Variants in MECOM observed in about 807,000 individuals in gnomAD.
MECOM encodes the protein MDS1 and EVI1 complex locus.
In MECOM, 13 loss-of-function variants were observed where a neutral mutation model predicts 116.3. That is an observed-to-expected ratio of 0.11 (90% CI 0.07 to 0.18). MECOM has a LOEUF of 0.18. MECOM is among the 10% of genes least tolerant of loss of function. The pLI is 1.00. For missense variants in MECOM, 1,299 were observed against 1,509.0 expected, an observed-to-expected ratio of 0.86 and a Z score of 2.31; for synonymous variants, 528 against 535.2, an observed-to-expected ratio of 0.99 and a Z score of 0.19.
intron 2 of MECOM, among the ~76,000 whole-genome samples, chr3:169,380,974 C>T (rs1166575178): frequency 6.6e-6 from 1 of 152,108 alleles, no homozygotes; most frequent in Non-Finnish European, 1.5e-5. Context: ...ATTCTTTAAC[C>T]ATATATTAGG....
intron 2 of MECOM, among the ~76,000 whole-genome samples, chr3:169,358,163 G>T (rs1727590199): frequency 6.6e-6 from 1 of 151,586 alleles, no homozygotes; most frequent in Admixed American, 6.6e-5. Context: ...TCTTCTTTTG[G>T]CATATTGTCG....
At chr3:169,171,309 ACCAGTAACTCAAGGTAGGCTG>A (rs1162772271) in intron 2 of MECOM, among the ~76,000 whole-genome samples, 1 of 152,166 alleles carries the variant, frequency 6.6e-6, no homozygotes, top group East Asian at 1.9e-4. Flanking sequence ...ATTAATAAGA[ACCAGTAACTCAAGGTAGGCTG>A]CCAGATTTTC....
chr3:169,160,496 T>A (rs913745140), intron 2 of MECOM, among the ~76,000 whole-genome samples: 18 of 149,352 alleles, frequency 1.2e-4, no homozygotes, highest in African/African-American at 4.1e-4. Context: ...TAGTTATTTT[T>A]AAATGTACAA....
chr3:169,435,742 C>T (rs1439835561), intron 1 of MECOM, among the ~76,000 whole-genome samples: 1 of 152,122 alleles, frequency 6.6e-6, no homozygotes, highest in African/African-American at 2.4e-5. Context: ...TTATTTAGAA[C>T]GACTTGTGCT....
intron 3 of MECOM, chr3:169,131,810 C>G: frequency 1.3e-6 from 1 of 752,264 alleles, no homozygotes; most frequent in African/African-American, 1.8e-5. Flanking sequence ...AGCTGCGTCA[C>G]ATATATCCTG....
At chr3:169,449,975 A>G (rs1745273510) in intron 1 of MECOM, among the ~76,000 whole-genome samples, 1 of 152,158 alleles carries the variant, frequency 6.6e-6, no homozygotes, top group African/African-American at 2.4e-5. Context: ...AACACTGGGG[A>G]GAAAAGTTAT....
chr3:169,184,912 C>T (rs1746499447), intron 2 of MECOM, among the ~76,000 whole-genome samples: 1 of 152,088 alleles, frequency 6.6e-6, no homozygotes, highest in African/African-American at 2.4e-5. Context: ...TTCTGGAGTG[C>T]AGACCATTAC....
At chr3:169,125,998 C>A (rs1732683969) in intron 5 of MECOM, among the ~76,000 whole-genome samples, 1 of 152,038 alleles carries the variant, frequency 6.6e-6, no homozygotes, top group African/African-American at 2.4e-5. Flanking sequence ...GTGGCTAGAT[C>A]ATATAATTTA....
intron 2 of MECOM, among the ~76,000 whole-genome samples, chr3:169,327,770 C>CT (rs1265766633): frequency 6.6e-6 from 1 of 152,128 alleles, no homozygotes; most frequent in Non-Finnish European, 1.5e-5. Context: ...CATACACACT[C>CT]TATCATTACT....
intron 1 of MECOM, among the ~76,000 whole-genome samples, chr3:169,605,494 A>G (rs1002824313): frequency 2.0e-5 from 3 of 152,266 alleles, no homozygotes; most frequent in Non-Finnish European, 4.4e-5. Context: ...AATGAGTAAC[A>G]GTAACCCTGT....
chr3:169,494,351 G>A (rs966111240), intron 1 of MECOM, among the ~76,000 whole-genome samples: 1 of 152,064 alleles, frequency 6.6e-6, no homozygotes, highest in Non-Finnish European at 1.5e-5. Flanking sequence ...TGGCTCCCAA[G>A]GGCGTAAGGC....
chr3:169,262,990 C>G (rs1171191324), intron 2 of MECOM, among the ~76,000 whole-genome samples: 5 of 146,848 alleles, frequency 3.4e-5, no homozygotes, highest in African/African-American at 5.1e-5. Context: ...CATGTCTTTT[C>G]TTTGATCCAA....
intron 1 of MECOM, among the ~76,000 whole-genome samples, chr3:169,490,201 G>A (rs1015399813): frequency 6.6e-5 from 10 of 152,266 alleles, no homozygotes; most frequent in Admixed American, 5.2e-4. Flanking sequence ...TTGTATGAGA[G>A]GACAGGATGA....
intron 1 of MECOM, among the ~76,000 whole-genome samples, chr3:169,616,635 C>T (rs184085158): frequency 6.6e-6 from 1 of 152,232 alleles, no homozygotes; most frequent in Admixed American, 6.5e-5. Context: ...TCACTGCACA[C>T]GGCCAATTTA....
chr3:169,562,592 A>C (rs1267915120), intron 1 of MECOM, among the ~76,000 whole-genome samples: 1 of 152,174 alleles, frequency 6.6e-6, no homozygotes, highest in Admixed American at 6.6e-5. Context: ...TTGGTGTCTT[A>C]ACCTTTCCGC....
At chr3:169,156,653 A>G (rs1371871880) in intron 2 of MECOM, among the ~76,000 whole-genome samples, 1 of 152,176 alleles carries the variant, frequency 6.6e-6, no homozygotes, top group African/African-American at 2.4e-5. Context: ...CTTCCAAAGG[A>G]ATATATACAA....
chr3:169,110,180 T>C (rs982322006), intron 9 of MECOM, among the ~76,000 whole-genome samples: 6 of 152,184 alleles, frequency 3.9e-5, no homozygotes, highest in Admixed American at 2.0e-4. Context: ...CTGTTTTGGC[T>C]CCTTGATCTG....
chr3:169,367,348 A>ATTTT (rs1393266824), intron 2 of MECOM, among the ~76,000 whole-genome samples: 117 of 82,976 alleles, frequency 1.4e-3, no homozygotes, highest in African/African-American at 0.011. Flanking sequence ...TTTGGTTTTT[A>ATTTT]ATTTTTTTTT....
At chr3:169,336,839 C>T (rs1246858196) in intron 2 of MECOM, among the ~76,000 whole-genome samples, 1 of 152,046 alleles carries the variant, frequency 6.6e-6, no homozygotes, top group African/African-American at 2.4e-5. Flanking sequence ...CATTTTGTTT[C>T]AGAGATACTA....
Sources: gnomAD v4.1 joint callset for allele counts (sites outside exome capture counted in the v4.1 genomes callset) on GRCh38, gnomAD v4.1.1 for gene constraint, MANE v1.5 for transcripts, NCBI Gene and HGNC (gene_info 2026-07-23, HGNC 2026-07-21) for gene names.